The following AMHR2 variants were observed in gnomAD, a reference collection of about 807,000 sequenced individuals.
The protein encoded by AMHR2 is anti-Muellerian hormone type-2 receptor.
Under a neutral mutation model 61.4 loss-of-function variants are expected in AMHR2, and 36 were observed. The observed-to-expected ratio is 0.59, with a 90% CI of 0.45 to 0.77. The LOEUF (loss-of-function observed/expected upper bound fraction) is 0.77, where lower values mean the gene tolerates loss of function less well. Ranked by LOEUF, AMHR2 falls within the 30% of genes least tolerant of loss-of-function variation. AMHR2 has a pLI of 0.00. For missense variants in AMHR2, 638 were observed against 714.6 expected, an observed-to-expected ratio of 0.89 and a Z score of 1.22; for synonymous variants, 258 against 279.4, an observed-to-expected ratio of 0.92 and a Z score of 0.76.
At chr12:53,424,042 C>G in intron 1 of AMHR2, 59 bp downstream of exon 1, 3 of 1,596,828 alleles carry the variant, frequency 1.9e-6, no homozygotes, top group Non-Finnish European at 2.6e-6. Flanking sequence ...GAAAGGGGCG[C>G]TTGAAGCAAG....
chr12:53,428,102 T>G (rs902088648), intron 6 of AMHR2, among the ~76,000 whole-genome samples: 1 of 152,246 alleles, frequency 6.6e-6, no homozygotes, highest in African/African-American at 2.4e-5. Context: ...TTTTTTTGTT[T>G]GTTTAATTTC....
chr12:53,429,511 G>C lies in AMHR2; in HGVS notation c.1026G>C (p.Arg342=), dbSNP rs1356720522. ...TGAGCAGCCAGAATGTGCTCATTCG[G>C]GAAGATGGATCGTGTGCCATTGGAG... is the stretch of plus-strand genomic sequence containing the variant. ...RDLSSQNVLI[R]EDGSCAIGDL... The change falls in exon 8 of 11, where the codon CGG becomes CGC. Residue 342 remains arginine (R), a synonymous_variant. Coordinates refer to ENST00000257863, the MANE Select transcript of AMHR2 (RefSeq NM_020547.3). 1 of 1,613,532 alleles carries C rather than the reference G, an allele frequency of 6.2e-7. No individual in the cohort carries two copies. The highest frequency in any genetic ancestry group is 2.2e-5 in the East Asian group (1 of 44,838).
chr12:53,425,816 C>G lies in AMHR2; in HGVS notation c.749C>G (p.Pro250Arg), dbSNP rs1939526698. 1 of 1,614,158 alleles carries G rather than the reference C, an allele frequency of 6.2e-7. No homozygotes were observed. The highest frequency in any genetic ancestry group is 8.5e-7 in the Non-Finnish European group (1 of 1,180,028). The change falls in exon 6 of 11, where the codon CCA becomes CGA. Residue 250 changes from proline to arginine, a missense_variant. By Grantham distance (103) the Pro-to-Arg change is moderately radical. Transcript: ENST00000257863. ...GCTGAGAGAGCATTGTACGAACTTC[C>G]AGGCCTACAGCACGACCACATTGTC... ...FQAERALYEL[P>R]GLQHDHIVRF...
chr12:53,430,273 C>T lies in AMHR2; in HGVS notation c.1416C>T (p.Cys472=). 1 of 1,614,206 alleles carries T rather than the reference C, an allele frequency of 6.2e-7. No homozygotes were observed. The highest frequency in any genetic ancestry group is 8.5e-7 in the Non-Finnish European group (1 of 1,180,040). The part of the protein sequence containing the change: ...RRPYIPSTWR[C]FATDPDGLRE... ...CCTACATCCCATCCACCTGGCGCTG[C>T]TTTGCCACAGTAAGAGGCCTAGGCT... The change falls in exon 10 of 11, where the codon TGC becomes TGT. Residue 472 remains cysteine, a synonymous_variant. Transcript: ENST00000257863.
chr12:53,431,268 C>T lies in AMHR2; in HGVS notation c.1517C>T (p.Ala506Val). Residue 506 changes from alanine to valine, a missense_variant, in exon 11 of 11, where the codon GCT becomes GTT. Physicochemically the swap from Ala to Val is moderately conservative, Grantham distance 64. Transcript: ENST00000257863. Reference sequence around the variant, plus strand: ...GCTGAGTGTGTACAGCAGCGCCTGGCTGCCTTGGCCCATCCTCAAGAGAGC... The same window carrying T: ...GCTGAGTGTGTACAGCAGCGCCTGGTTGCCTTGGCCCATCCTCAAGAGAGC... The part of the protein sequence containing the change: ...LTAECVQQRL[A>V]ALAHPQESHP... 2 of 1,614,240 alleles carry T rather than the reference C, an allele frequency of 1.2e-6. No individual in the cohort carries two copies. The highest frequency in any genetic ancestry group is 1.7e-6 in the Non-Finnish European group (2 of 1,180,040).
At position 53,431,510 on chromosome 12, in the gene AMHR2, A is replaced by G. The variant is rs749969823; in HGVS notation, c.*37A>G. Reference sequence around the variant, plus strand: ...ATGTGTCATCAATGTACATGCCAACATAAATATGGCGATTGTATAGCTGTC... The same window carrying G: ...ATGTGTCATCAATGTACATGCCAACGTAAATATGGCGATTGTATAGCTGTC... On this transcript the variant is annotated 3_prime_UTR_variant, in exon 11 of 11. Coordinates refer to ENST00000257863, the MANE Select transcript of AMHR2 (RefSeq NM_020547.3). 1 of 1,612,190 alleles carries G rather than the reference A, an allele frequency of 6.2e-7. No individual in the cohort carries two copies. The highest frequency in any genetic ancestry group is 8.5e-7 in the Non-Finnish European group (1 of 1,178,320).
Position 53,429,956 on chromosome 12 carries a change from C to CCGCTG in AMHR2, c.1268_1272dup (p.Pro425AlafsTer5). The CCGCTG allele has an allele frequency of 6.2e-7, 1 of 1,614,204 alleles. No homozygotes were observed. Among genetic ancestry groups the CCGCTG allele is most frequent in the Non-Finnish European group, 8.5e-7 (1 of 1,180,040 alleles). ...CTCTGCTCCTGTGGGAGATACTGAG[C>CCGCTG]CGCTGCCCAGATTTGAGGCCTGGTA... On this transcript the variant is annotated frameshift_variant, in exon 9 of 11. Coordinates refer to ENST00000257863, the MANE Select transcript of AMHR2 (RefSeq NM_020547.3). LOFTEE classifies it high-confidence loss of function.
intron 6 of AMHR2, among the ~76,000 whole-genome samples, chr12:53,426,793 C>T (rs966489806): frequency 2.0e-5 from 3 of 151,842 alleles, no homozygotes; most frequent in African/African-American, 7.3e-5. Context: ...AGCGATTCTC[C>T]TCCCTCAGCC....
chr12:53,430,309 G>C, intron 10 of AMHR2, 27 bp downstream of exon 10: 1 of 1,614,122 alleles, frequency 6.2e-7, no homozygotes, highest in South Asian at 1.1e-5. Flanking sequence ...GTTGGTCTGG[G>C]AACCTGGAGA....
rs1384517962 is a variant in AMHR2, at chr12:53,425,865, G to C, written c.798G>C (p.Gly266=). ...HIVRFITASR[G]GPGRLLSGPL... is the part of the protein sequence containing the mutation. The stretch of plus-strand genomic sequence containing the variant: ...TCCGATTTATCACTGCCAGCCGGGG[G>C]GGTCCTGGCCGCCTGCTCTCTGGGC... Residue 266 remains glycine (G), a synonymous_variant, in exon 6 of 11, where the codon GGG becomes GGC. Coordinates refer to ENST00000257863, the MANE Select transcript of AMHR2 (RefSeq NM_020547.3). 2.5e-6 allele frequency: 4 copies of C among 1,614,000 alleles called. No homozygotes were observed. Among genetic ancestry groups the C allele is most frequent in the South Asian group, 1.1e-5 (1 of 91,088 alleles).
intron 10 of AMHR2, 153 bp downstream of exon 10, chr12:53,430,435 C>T: frequency 8.4e-7 from 1 of 1,186,274 alleles, no homozygotes; most frequent in Non-Finnish European, 1.2e-6. Context: ...GGCAAGCCTC[C>T]TCTCCCCGTC....
At chr12:53,426,982 C>CAAAAA (rs929522833) in intron 6 of AMHR2, among the ~76,000 whole-genome samples, 2 of 71,806 alleles carry the variant, frequency 2.8e-5, no homozygotes. Flanking sequence ...CGTGCCCAGC[C>CAAAAA]AAAAAAAAAA....
rs1939483070 is a variant in AMHR2, at chr12:53,425,441, C to A, written c.503-14C>A. ...GCATTTGCACCCTGACCCTAAGGCT[C>A]TTGTCTGTTCCAGCCCTGCTACAGC... On this transcript the variant is annotated splice_polypyrimidine_tract_variant and intron_variant, in intron 4 of 10. Transcript: ENST00000257863. 6.2e-7 allele frequency: 1 copy of A among 1,613,428 alleles called. No individual in the cohort carries two copies. Among genetic ancestry groups the A allele is most frequent in the African/African-American group, 1.3e-5 (1 of 74,922 alleles).
In AMHR2 at chr12:53,431,159, C is replaced by G; in HGVS notation, c.1426-18C>G. On this transcript the variant is annotated intron_variant, in intron 10 of 10. Coordinates refer to ENST00000257863, the MANE Select transcript of AMHR2 (RefSeq NM_020547.3). ...CAAGATCCTAGGGTCAACCCTTCCT[C>G]CCTGTCATTCCCCCCAGGACCCTGA... 1 of 1,613,776 alleles carries G rather than the reference C, an allele frequency of 6.2e-7. No individual in the cohort carries two copies. Among genetic ancestry groups the G allele is most frequent in the Non-Finnish European group, 8.5e-7 (1 of 1,180,030 alleles).
chr12:53,431,041 G>A, intron 10 of AMHR2, 136 bp from the exon 11 acceptor site: 3 of 1,118,138 alleles, frequency 2.7e-6, no homozygotes, highest in Non-Finnish European at 4.0e-6. Flanking sequence ...CAGCAAGAGG[G>A]AGAGGAGGGA....
rs397801605 is a variant in AMHR2, at chr12:53,429,403, AAG to A, written c.968-47_968-46del. Reference sequence around the variant, plus strand: ...CGAGACGCCGACTCAAAAAAAAAAAAAGAGGGAGGAAGAAAATCCATGTTCCT... The same window carrying A: ...CGAGACGCCGACTCAAAAAAAAAAAAAGGGAGGAAGAAAATCCATGTTCCT... On this transcript the variant is annotated intron_variant, in intron 7 of 10. Coordinates refer to ENST00000257863, the MANE Select transcript of AMHR2 (RefSeq NM_020547.3). 3.3e-6 allele frequency: 5 copies of A among 1,516,742 alleles called. No homozygotes were observed. In the African/African-American group the frequency reaches 4.1e-5, roughly 12 times the overall value. The allele number at this position is 1,516,742 out of a possible 1,614,324, so 94.0% of individuals were successfully genotyped here. A position where few individuals can be genotyped will look rare whatever the true frequency, so the allele number is the denominator to read the frequency against.
Position 53,429,523 on chromosome 12 carries a change from G to C in AMHR2, c.1038G>C (p.Ser346=), listed in dbSNP as rs784890. Residue 346 remains serine (S), a synonymous_variant, in exon 8 of 11, where the codon TCG becomes TCC. Transcript: ENST00000257863. ...SQNVLIREDG[S]CAIGDLGLAL... ...ATGTGCTCATTCGGGAAGATGGATC[G>C]TGTGCCATTGGAGACCTGGGCCTTG... The C allele has an allele frequency of 2.5e-6, 4 of 1,613,248 alleles. No individual in the cohort carries two copies. Among genetic ancestry groups the C allele is most frequent in the African/African-American group, 2.7e-5 (2 of 74,578 alleles).
chr12:53,427,696 C>T (rs1939736033), intron 6 of AMHR2, among the ~76,000 whole-genome samples: 1 of 152,210 alleles, frequency 6.6e-6, no homozygotes, highest in African/African-American at 2.4e-5. Context: ...AGCCACCCCG[C>T]CCGGCCATGC....
Position 53,431,549 on chromosome 12 carries a change from C to A in AMHR2, c.*76C>A. The stretch of plus-strand genomic sequence containing the variant: ...TGTATAGCTGTCTTGTCTGCCTCAT[C>A]ACTGCATTTCCCACCTGCCGAATCC... On this transcript the variant is annotated 3_prime_UTR_variant, in exon 11 of 11. Transcript: ENST00000257863. The A allele has an allele frequency of 6.3e-7, 1 of 1,575,446 alleles. No individual in the cohort carries two copies. Among genetic ancestry groups the A allele is most frequent in the South Asian group, 1.1e-5 (1 of 89,904 alleles).
Sources: gnomAD v4.1 joint callset for allele counts (sites outside exome capture counted in the v4.1 genomes callset) on GRCh38, gnomAD v4.1.1 for gene constraint, MANE v1.5 for transcripts, NCBI Gene and HGNC (gene_info 2026-07-23, HGNC 2026-07-21) for gene names.